Variants in DOK6 observed in about 807,000 individuals in gnomAD.
The protein encoded by DOK6 is docking protein 6.
A neutral mutation model predicts 44.0 loss-of-function variants in DOK6; 22 were observed. The observed-to-expected ratio is 0.50, with a 90% CI of 0.36 to 0.71. The LOEUF is 0.71. Among genes scored for constraint, DOK6 ranks in the 30% least tolerant of loss-of-function variants. The pLI is 0.00. For missense variants in DOK6, 340 were observed against 416.4 expected (o/e 0.82, Z 1.60); for synonymous variants, 166 against 145.5 (o/e 1.14, Z -1.01).
intron 5 of DOK6, among the ~76,000 whole-genome samples, chr18:69,721,038 A>G (rs1245511349): frequency 6.6e-6 from 1 of 152,008 alleles, no homozygotes; most frequent in Admixed American, 6.5e-5. Context: ...GTTCACTAAC[A>G]TAAAGCTTAC....
At chr18:69,811,559 TATATATATATATATATATCA>T (rs1415852410) in intron 7 of DOK6, among the ~76,000 whole-genome samples, 562 of 20,062 alleles carry the variant, frequency 0.028, 9 homozygotes, top group African/African-American at 0.033. Context: ...TATATATATA[TATATATATATATATATATCA>T]AAACACTACG....
intron 6 of DOK6, among the ~76,000 whole-genome samples, chr18:69,746,416 C>T (rs756707155): frequency 6.6e-6 from 1 of 152,108 alleles, no homozygotes; most frequent in Non-Finnish European, 1.5e-5. Flanking sequence ...TGCCGTCACG[C>T]CTGGCTAATT....
chr18:69,579,730 A>T (rs1378397692), intron 2 of DOK6, among the ~76,000 whole-genome samples: 1 of 151,942 alleles, frequency 6.6e-6, no homozygotes, highest in African/African-American at 2.4e-5. Context: ...CGCCCAGCTA[A>T]TTTTTGTATA....
At chr18:69,500,573 C>T (rs1981020240) in intron 1 of DOK6, among the ~76,000 whole-genome samples, 1 of 152,146 alleles carries the variant, frequency 6.6e-6, no homozygotes, top group South Asian at 2.1e-4. Flanking sequence ...CAGCACCTGA[C>T]ATAGTGCCTG....
At chr18:69,593,440 G>T (rs751120758) in intron 2 of DOK6, among the ~76,000 whole-genome samples, 10 of 151,834 alleles carry the variant, frequency 6.6e-5, no homozygotes, top group Admixed American at 1.3e-4. Context: ...TTCTTTTCTG[G>T]TATCTGTTTA....
At chr18:69,822,978 C>A in intron 7 of DOK6, among the ~76,000 whole-genome samples, 1 of 152,002 alleles carries the variant, frequency 6.6e-6, no homozygotes, top group East Asian at 1.9e-4. Flanking sequence ...TGTCATTTCC[C>A]CATGTCAGGA....
intron 1 of DOK6, among the ~76,000 whole-genome samples, chr18:69,461,444 G>A (rs1256814414): frequency 1.3e-5 from 2 of 152,078 alleles, no homozygotes; most frequent in Non-Finnish European, 2.9e-5. Context: ...TAAACGCCTG[G>A]CAGTCTTACT....
intron 3 of DOK6, among the ~76,000 whole-genome samples, chr18:69,622,551 TAC>T (rs1984466642): frequency 6.6e-6 from 1 of 152,246 alleles, no homozygotes. Flanking sequence ...TCTTTAAATG[TAC>T]TACTTCTAAG....
intron 3 of DOK6, among the ~76,000 whole-genome samples, chr18:69,638,486 T>TAC (rs2144652155): frequency 4.8e-5 from 1 of 21,032 alleles, no homozygotes; most frequent in Non-Finnish European, 8.7e-4. Flanking sequence ...GGTATACTTA[T>TAC]TCTTTTTTTT....
At chr18:69,481,939 A>G (rs1201511021) in intron 1 of DOK6, among the ~76,000 whole-genome samples, 1 of 152,014 alleles carries the variant, frequency 6.6e-6, no homozygotes, top group Non-Finnish European at 1.5e-5. Context: ...ATGGTATCTC[A>G]TTGTGGTTTT....
At chr18:69,793,887 G>A (rs528913332) in intron 7 of DOK6, among the ~76,000 whole-genome samples, 4 of 151,894 alleles carry the variant, frequency 2.6e-5, no homozygotes, top group African/African-American at 4.8e-5. Context: ...AGCCCAATGG[G>A]ATATTAAAGT....
intron 6 of DOK6, among the ~76,000 whole-genome samples, chr18:69,752,202 A>G (rs1470466482): frequency 6.6e-6 from 1 of 152,184 alleles, no homozygotes; most frequent in East Asian, 1.9e-4. Context: ...TATCCAAAGT[A>G]AAACCCAAAT....
intron 1 of DOK6, among the ~76,000 whole-genome samples, chr18:69,500,052 AC>A (rs905766391): frequency 6.6e-6 from 1 of 152,036 alleles, no homozygotes; most frequent in Admixed American, 6.6e-5. Flanking sequence ...CCTTTACATC[AC>A]CCCATCGACT....
At chr18:69,651,916 T>C (rs1985239280) in intron 3 of DOK6, among the ~76,000 whole-genome samples, 1 of 145,408 alleles carries the variant, frequency 6.9e-6, no homozygotes, top group Non-Finnish European at 1.5e-5. Context: ...ATCCTTTCGA[T>C]ACAAAATTTA....
intron 7 of DOK6, among the ~76,000 whole-genome samples, chr18:69,769,584 A>C (rs1435677298): frequency 1.3e-5 from 2 of 152,112 alleles, no homozygotes; most frequent in Admixed American, 6.6e-5. Flanking sequence ...TTTACCAAAA[A>C]CCCACATTTT....
intron 1 of DOK6, chr18:69,469,643 C>T (rs181967255): frequency 5.2e-4 from 117 of 224,338 alleles, no homozygotes; most frequent in African/African-American, 2.7e-3. Context: ...TACTTCCTGC[C>T]GGCTGCCTCA....
chr18:69,574,213 T>C (rs1983185773), intron 2 of DOK6, among the ~76,000 whole-genome samples: 1 of 152,038 alleles, frequency 6.6e-6, no homozygotes, highest in South Asian at 2.1e-4. Flanking sequence ...GCTCTTCTTG[T>C]TTGTACACTA....
chr18:69,759,870 A>T (rs1272230678), intron 7 of DOK6, among the ~76,000 whole-genome samples: 1 of 152,210 alleles, frequency 6.6e-6, no homozygotes, highest in East Asian at 1.9e-4. Flanking sequence ...AGTGAAAAAT[A>T]TGTATTGACT....
chr18:69,749,695 C>T (rs1394023809), intron 6 of DOK6, among the ~76,000 whole-genome samples: 2 of 152,132 alleles, frequency 1.3e-5, no homozygotes, highest in African/African-American at 2.4e-5. Context: ...AATCCCAGCA[C>T]TCTAGGAGGC....
Sources: gnomAD v4.1 joint callset for allele counts (sites outside exome capture counted in the v4.1 genomes callset) on GRCh38, gnomAD v4.1.1 for gene constraint, MANE v1.5 for transcripts, NCBI Gene and HGNC (gene_info 2026-07-23, HGNC 2026-07-21) for gene names.